The following PARP12 variants were observed in gnomAD, a reference collection of about 807,000 sequenced individuals.
PARP12 encodes the protein poly(ADP-ribose) polymerase family member 12.
Under a neutral mutation model 72.4 loss-of-function variants are expected in PARP12, and 59 were observed. The observed-to-expected ratio is 0.81, with a 90% CI of 0.66 to 1.01. The LOEUF is 1.01. PARP12 is among the 50% of genes least tolerant of loss of function. The pLI, the probability that PARP12 is intolerant of heterozygous loss-of-function variation, is 0.00. For synonymous variants in PARP12, 403 were observed against 371.4 expected, an observed-to-expected ratio of 1.09 and a Z score of -0.98; for missense variants, 851 against 914.0, an observed-to-expected ratio of 0.93 and a Z score of 0.89.
intron 5 of PARP12, among the ~76,000 whole-genome samples, chr7:140,043,511 C>T (rs1816583175): frequency 6.6e-6 from 1 of 151,762 alleles, no homozygotes; most frequent in East Asian, 1.9e-4. Flanking sequence ...TTTTCTTTTC[C>T]TTTTTTACTA....
chr7:140,028,609 C>G lies in PARP12; in HGVS notation c.1497+4G>C. 6.3e-7 allele frequency: 1 copy of G among 1,585,936 alleles called. No homozygotes were observed. The highest frequency in any genetic ancestry group is 8.6e-7 in the Non-Finnish European group (1 of 1,164,998). ...GTCCAGCCCCAGGCGCATGCGTCCC[C>G]TACCTGAAAGCCTGGGTCTGGCAGG... On this transcript the variant is annotated splice_donor_region_variant and intron_variant, in intron 9 of 11. Coordinates refer to ENST00000263549, the MANE Select transcript of PARP12 (RefSeq NM_022750.4).
rs1488155654 is a variant in PARP12, at chr7:140,044,146, A to C, written c.987-2307T>G. On this transcript the variant is annotated intron_variant, in intron 5 of 11. Transcript: ENST00000263549. ...CACACAGATTTTAGTGAAACTGCAC[A>C]GCACCAAAGAATGACAAGATATTAA... 2.6e-5 allele frequency among the ~76,000 whole-genome samples: 4 copies of C among 152,248 alleles called. No individual in the cohort carries two copies. The East Asian group carries it at 7.7e-4, about 29-fold the overall frequency.
At position 140,041,819 on chromosome 7, in the gene PARP12, G is replaced by A; in HGVS notation, c.1007C>T (p.Ala336Val). Reference protein sequence around the residue: ...KIERILCSESASTFHSHCLNF... With the variant: ...KIERILCSESVSTFHSHCLNF... Reference sequence around the variant, plus strand: ...CAGACAATGAGAGTGAAAGGTACTGGCTGACTCAGAGCACAGGATCCTACA... The same window carrying A: ...CAGACAATGAGAGTGAAAGGTACTGACTGACTCAGAGCACAGGATCCTACA... The change falls in exon 6 of 12, where the codon GCC becomes GTC. Residue 336 changes from alanine (A) to valine (V), a missense_variant. Ala to Val is a moderately conservative substitution (Grantham distance 64, BLOSUM62 0). This residue lies in a region of PARP12 where 492 missense variants were observed against 489.3 expected (regional missense o/e 1.01). Transcript: ENST00000263549. The A allele has an allele frequency of 6.2e-7, 1 of 1,613,844 alleles. No individual in the cohort carries two copies. The highest frequency in any genetic ancestry group is 1.3e-5 in the African/African-American group (1 of 75,000).
intron 2 of PARP12, 65 bp downstream of exon 2, chr7:140,057,834 A>T: frequency 6.3e-7 from 1 of 1,592,862 alleles, no homozygotes. Flanking sequence ...CCCAGTCATT[A>T]CATTTCCCAA....
chr7:140,043,062 C>T (rs967219661), intron 5 of PARP12, among the ~76,000 whole-genome samples: 25 of 152,052 alleles, frequency 1.6e-4, no homozygotes, highest in Non-Finnish European at 3.1e-4. Context: ...GGAGTGGTGG[C>T]GGGCACCTGT....
chr7:140,030,951 T>C (rs1815919940), intron 8 of PARP12, among the ~76,000 whole-genome samples: 1 of 152,122 alleles, frequency 6.6e-6, no homozygotes. Flanking sequence ...TGTGAGTAAA[T>C]TTAATGAAAC....
rs569094188 is a variant in PARP12 at position 140,057,823 on chromosome 7, T to C, written c.462+76A>G. The C allele has an allele frequency of 4.4e-6, 7 of 1,577,418 alleles. No individual in the cohort carries two copies. In the South Asian group the frequency reaches 7.0e-5, roughly 16 times the overall value. On this transcript the variant is annotated intron_variant, in intron 2 of 11. Transcript: ENST00000263549. ...ATCACCAAGGGCCCACCCATTCCAC[T>C]CCCAGTCATTACATTTCCCAAGACA...
intron 6 of PARP12, among the ~76,000 whole-genome samples, chr7:140,040,563 C>T (rs891966817): frequency 6.6e-5 from 10 of 152,156 alleles, no homozygotes; most frequent in Admixed American, 2.0e-4. Flanking sequence ...ATTCCACACA[C>T]GGGATACGAT....
In PARP12 at chr7:140,027,312, C is replaced by T. The variant is rs1257558958; in HGVS notation, c.1592G>A (p.Arg531Gln). 8.1e-6 allele frequency: 13 copies of T among 1,613,888 alleles called. No homozygotes were observed. Among genetic ancestry groups the T allele is most frequent in the Admixed American group, 1.7e-5 (1 of 59,990 alleles). The part of the protein sequence containing the change: ...LPFYFVQKIE[R>Q]VQNLALWEVY... Reference sequence around the variant, plus strand: ...TTCCCAGAGGGCCAGGTTCTGTACTCGCTCAATCTTCTGAACAAAGTAGAA... The same window carrying T: ...TTCCCAGAGGGCCAGGTTCTGTACTTGCTCAATCTTCTGAACAAAGTAGAA... Residue 531 changes from arginine to glutamine, a missense_variant, in exon 10 of 12, where the codon CGA becomes CAA. Arg to Gln is a conservative substitution (Grantham distance 43, BLOSUM62 1). Transcript: ENST00000263549.
At chr7:140,062,479 C>T (rs747751661) in intron 1 of PARP12, 43 bp downstream of exon 1, 1 of 1,498,158 alleles carries the variant, frequency 6.7e-7, no homozygotes, top group Non-Finnish European at 8.9e-7. Context: ...CGTGAGGGCG[C>T]GCAGGACCTC....
chr7:140,039,220 AT>A (rs1436610463), intron 6 of PARP12, among the ~76,000 whole-genome samples: 2 of 152,164 alleles, frequency 1.3e-5, no homozygotes, highest in East Asian at 3.8e-4. Flanking sequence ...TGGCATAAAA[AT>A]CCCTTTCTGA....
rs1432607921 is a variant in PARP12 at position 140,034,323 on chromosome 7, G to A, written c.1333C>T (p.Gln445Ter). The part of the protein sequence containing the change: ...NYELDFKAFV[Q>*]KNLVYGTTKK... Reference sequence around the variant, plus strand: ...GTTGTGCCATAGACCAGGTTTTTCTGAACGAAGGCTGAAAAAAAACATAAC... The same window carrying A: ...GTTGTGCCATAGACCAGGTTTTTCTAAACGAAGGCTGAAAAAAAACATAAC... Residue 445 changes from glutamine to a stop codon, truncating the protein, a stop_gained, in exon 8 of 12, where the codon CAG becomes TAG. Coordinates refer to ENST00000263549, the MANE Select transcript of PARP12 (RefSeq NM_022750.4). LOFTEE classifies it high-confidence loss of function. 2 of 1,610,152 alleles carry A rather than the reference G, an allele frequency of 1.2e-6. No individual in the cohort carries two copies. The highest frequency in any genetic ancestry group is 1.7e-6 in the Non-Finnish European group (2 of 1,177,958).
rs532758132 is a variant in PARP12, at chr7:140,043,775, G to T, written c.987-1936C>A. On this transcript the variant is annotated intron_variant, in intron 5 of 11. Transcript: ENST00000263549. ...TTGAACTCCTGGCCTCAAGCCATCCGCCCTCCTCAGCCTCCCAAAGTGCTG... is the reference window on the plus strand; with the variant it reads ...TTGAACTCCTGGCCTCAAGCCATCCTCCCTCCTCAGCCTCCCAAAGTGCTG... Among the ~76,000 whole-genome samples, 10 of 152,204 alleles carry T rather than the reference G, an allele frequency of 6.6e-5. No homozygotes were observed. In the South Asian group the frequency reaches 2.1e-3, roughly 32 times the overall value.
At chr7:140,053,915 T>C (rs1433615371) in intron 4 of PARP12, among the ~76,000 whole-genome samples, 1 of 152,238 alleles carries the variant, frequency 6.6e-6, no homozygotes, top group Non-Finnish European at 1.5e-5. Flanking sequence ...TGTTTACCTT[T>C]GGGCAAAGAC....
chr7:140,035,298 C>T (rs1315009095), intron 7 of PARP12, among the ~76,000 whole-genome samples: 1 of 152,194 alleles, frequency 6.6e-6, no homozygotes, highest in African/African-American at 2.4e-5. Context: ...CTCAGCCGCC[C>T]ATCAAGACCA....
chr7:140,024,567 C>A lies in PARP12; in HGVS notation c.2099G>T (p.Arg700Leu). The A allele has an allele frequency of 6.2e-7, 1 of 1,614,140 alleles. No individual in the cohort carries two copies. Among genetic ancestry groups the A allele is most frequent in the South Asian group, 1.1e-5 (1 of 91,044 alleles). ...TGGAACACTCCTGTGCGCTCACTGTCGGCTGCTGAACAGGGAGCCCAAGGC... is the reference window on the plus strand; with the variant it reads ...TGGAACACTCCTGTGCGCTCACTGTAGGCTGCTGAACAGGGAGCCCAAGGC... Reference protein sequence around the residue: ...LLALGSLFSSRQ With the variant: ...LLALGSLFSSLQ The change falls in exon 12 of 12, where the codon CGA becomes CTA. Residue 700 changes from arginine (R) to leucine (L), a missense_variant. By Grantham distance (102) the Arg-to-Leu change is moderately radical (BLOSUM62 -2). Around this residue, in one of 3 missense-constraint regions of PARP12, gnomAD observed 347 missense variants for 396.1 expected, o/e 0.88. Coordinates refer to ENST00000263549, the MANE Select transcript of PARP12 (RefSeq NM_022750.4).
chr7:140,034,965 G>A (rs1264620003), intron 7 of PARP12, among the ~76,000 whole-genome samples: 1 of 152,062 alleles, frequency 6.6e-6, no homozygotes, highest in Non-Finnish European at 1.5e-5. Flanking sequence ...AAGAGATGGG[G>A]TCTTTTGCTT....
intron 10 of PARP12, 59 bp from the exon 11 acceptor site, chr7:140,026,407 G>A (rs2286198): frequency 0.23 from 360,925 of 1,558,190 alleles, 47,955 homozygotes; most frequent in East Asian, 0.55. Context: ...AAATACAGCC[G>A]GCCTGATGCA....
At chr7:140,039,709 AAAAG>A (rs1172831884) in intron 6 of PARP12, among the ~76,000 whole-genome samples, 6 of 152,210 alleles carry the variant, frequency 3.9e-5, no homozygotes, top group African/African-American at 1.4e-4. Context: ...AGAAAACTAA[AAAAG>A]AAACCTAAAT....
Sources: gnomAD v4.1 joint callset for allele counts (sites outside exome capture counted in the v4.1 genomes callset) on GRCh38, gnomAD v4.1.1 for gene constraint, gnomAD v4.1.1 regional missense constraint, MANE v1.5 for transcripts, NCBI Gene and HGNC (gene_info 2026-07-23, HGNC 2026-07-21) for gene names.